Variants in DLL1 observed in about 807,000 individuals in gnomAD.
The protein encoded by DLL1 is delta like canonical Notch ligand 1.
Under a neutral mutation model 75.1 loss-of-function variants are expected in DLL1, and 9 were observed. That is an observed-to-expected ratio of 0.12 (90% CI 0.07 to 0.21). The LOEUF (loss-of-function observed/expected upper bound fraction) is 0.21. DLL1 is among the 10% of genes least tolerant of loss of function. The pLI is 1.00. For missense variants in DLL1, 837 were observed against 1,007.6 expected (o/e 0.83, Z 2.29); for synonymous variants, 477 against 418.3 (o/e 1.14, Z -1.71).
Position 170,290,320 on chromosome 6 carries a change from C to T in DLL1, c.-181G>A. The stretch of plus-strand genomic sequence containing the variant: ...GCCGGTCTCCGCCTCTTCCCAAGGC[C>T]GCGGTTCTTTATATCCGCCCTGCGA... On this transcript the variant is annotated 5_prime_UTR_variant, in exon 1 of 11. Transcript: ENST00000366756. The surrounding 1 kb of genome is among the most constrained non-coding windows in gnomAD (Gnocchi z 4.7). 1 of 578,282 alleles carries T rather than the reference C, an allele frequency of 1.7e-6. No individual in the cohort carries two copies. Among genetic ancestry groups the T allele is most frequent in the South Asian group, 3.7e-5 (1 of 26,916 alleles). 35.8% of individuals were successfully genotyped at this position (578,282 alleles called of 1,614,324 possible).
Position 170,290,167 on chromosome 6 carries a change from G to C in DLL1, c.-28C>G. On this transcript the variant is annotated 5_prime_UTR_variant, in exon 1 of 11. Coordinates refer to ENST00000366756, the MANE Select transcript of DLL1 (RefSeq NM_005618.4). The surrounding 1 kb of genome is among the most constrained non-coding windows in gnomAD (Gnocchi z 4.7). ...TGCTTCGCTCCACGCGCGAGCCTGG[G>C]GGGCCCCCACTTCTCTCCTTAGAAC... 6.3e-7 allele frequency: 1 copy of C among 1,588,068 alleles called. No homozygotes were observed.
intron 4 of DLL1, among the ~76,000 whole-genome samples, chr6:170,287,519 C>T (rs1169940109): frequency 6.6e-6 from 1 of 152,242 alleles, no homozygotes; most frequent in East Asian, 1.9e-4. Flanking sequence ...GGCCCCAACC[C>T]TGCCCTAGTC....
intron 4 of DLL1, among the ~76,000 whole-genome samples, chr6:170,287,397 G>A (rs1401532156): frequency 2.0e-5 from 3 of 152,224 alleles, no homozygotes; most frequent in Non-Finnish European, 4.4e-5. Context: ...ATCCCCAGCT[G>A]TAGAGAAATC....
Position 170,290,524 on chromosome 6 carries a change from G to A in DLL1, c.-385C>T. ...GGAGGGGGAGAAAGAGAAAGAGAGA[G>A]AGTCCAGAGATTGAGCTTAATTCCC... On this transcript the variant is annotated 5_prime_UTR_variant, in exon 1 of 11. Coordinates refer to ENST00000366756, the MANE Select transcript of DLL1 (RefSeq NM_005618.4). This position sits in a 1 kb window ranked among gnomAD's most constrained non-coding sequence, Gnocchi z 4.7. 1 of 258,768 alleles carries A rather than the reference G, an allele frequency of 3.9e-6. No homozygotes were observed. The highest frequency in any genetic ancestry group is 7.2e-6 in the Non-Finnish European group (1 of 138,826). The allele number at this position is 258,768 out of a possible 1,614,324, so 16.0% of individuals were successfully genotyped here.
In DLL1 at chr6:170,282,709, G is replaced by C; in HGVS notation, c.*165C>G. 1.7e-6 allele frequency: 2 copies of C among 1,177,032 alleles called. No individual in the cohort carries two copies. The highest frequency in any genetic ancestry group is 2.5e-5 in the South Asian group (2 of 78,704). The allele number at this position is 1,177,032 out of a possible 1,614,324, so 72.9% of individuals were successfully genotyped here. A position where few individuals can be genotyped will look rare whatever the true frequency, so the allele number is the denominator to read the frequency against. Reference sequence around the variant, plus strand: ...GCGGCCGGGCCGCGACAGGCTGTCGGCAGGCGTCGAGGACCTCAGGAGGAG... The same window carrying C: ...GCGGCCGGGCCGCGACAGGCTGTCGCCAGGCGTCGAGGACCTCAGGAGGAG... On this transcript the variant is annotated 3_prime_UTR_variant, in exon 11 of 11. Coordinates refer to ENST00000366756, the MANE Select transcript of DLL1 (RefSeq NM_005618.4).
chr6:170,282,667 G>C lies in DLL1; in HGVS notation c.*207C>G. On this transcript the variant is annotated 3_prime_UTR_variant, in exon 11 of 11. Transcript: ENST00000366756. ...GTCCATAGTGCAACGGCGACGTCAC[G>C]GAAGGCAGTGCCGCAGGCGGCCGGG... is the stretch of plus-strand genomic sequence containing the variant. 1 of 721,312 alleles carries C rather than the reference G, an allele frequency of 1.4e-6. No individual in the cohort carries two copies. Among genetic ancestry groups the C allele is most frequent in the South Asian group, 1.6e-5 (1 of 61,520 alleles). The allele number at this position is 721,312 out of a possible 1,614,324, so 44.7% of individuals were successfully genotyped here.
At chr6:170,282,951 T>C (rs376605275) in intron 10 of DLL1, 37 bp downstream of exon 10, 5 of 1,613,982 alleles carry the variant, frequency 3.1e-6, no homozygotes, top group Admixed American at 1.7e-5. Flanking sequence ...GGTGCTCCCA[T>C]GCCGAGGAGG....
intron 4 of DLL1, 46 bp from the exon 5 acceptor site, chr6:170,286,344 C>A: frequency 6.2e-7 from 1 of 1,611,934 alleles, no homozygotes; most frequent in Non-Finnish European, 8.5e-7. Flanking sequence ...CCAAGTACGT[C>A]CCAACAGGGC....
In DLL1 at chr6:170,283,519, G is replaced by A. The variant is rs199850507; in HGVS notation, c.1760C>T (p.Thr587Met). 1.0e-4 allele frequency: 164 copies of A among 1,613,620 alleles called. 1 individual carries two copies. In the Middle Eastern group the frequency reaches 2.6e-3, roughly 26 times the overall value. ...GTTGGCCAGGTTGTTCATGGTCTCC[G>A]TCTCCCCCCGGCAGGGGTCGGCTGG... ...RPPADPCRGE[T>M]ETMNNLANCQ... The change falls in exon 9 of 11, where the codon ACG becomes ATG. Residue 587 changes from threonine to methionine, a missense_variant. Thr to Met is a moderately conservative substitution (Grantham distance 81). This residue lies in a region of DLL1 where 533 missense variants were observed against 545.7 expected (regional missense o/e 0.98). Coordinates refer to ENST00000366756, the MANE Select transcript of DLL1 (RefSeq NM_005618.4).
Position 170,288,448 on chromosome 6 carries a change from G to C in DLL1, c.461C>G (p.Thr154Arg). Residue 154 changes from threonine to arginine, a missense_variant, in exon 4 of 11, where the codon ACG (threonine) becomes AGG (arginine). Thr to Arg is a moderately conservative substitution (Grantham distance 71). Coordinates refer to ENST00000366756, the MANE Select transcript of DLL1 (RefSeq NM_005618.4). Reference protein sequence around the residue: ...ISRLATQRHLTVGEEWSQDLH... With the variant: ...ISRLATQRHLRVGEEWSQDLH... ...GTCCTGGGACCACTCCTCGCCCACC[G>C]TCAGGTGCCTCTGGGTGGCCAGGCG... 1 of 1,614,102 alleles carries C rather than the reference G, an allele frequency of 6.2e-7. No individual in the cohort carries two copies. The highest frequency in any genetic ancestry group is 8.5e-7 in the Non-Finnish European group (1 of 1,180,034).
At chr6:170,285,185 C>T (rs1229498805) in intron 7 of DLL1, 50 bp from the exon 8 acceptor site, 3 of 1,613,534 alleles carry the variant, frequency 1.9e-6, no homozygotes, top group African/African-American at 2.7e-5. Context: ...CTCCAAGGAG[C>T]CCACACACTC....
At chr6:170,286,591 C>G (rs1485869696) in intron 4 of DLL1, among the ~76,000 whole-genome samples, 1 of 151,944 alleles carries the variant, frequency 6.6e-6, no homozygotes, top group Non-Finnish European at 1.5e-5. Flanking sequence ...CTTCCCCCTC[C>G]TCCTCCCCCA....
Position 170,283,798 on chromosome 6 carries a change from G to T in DLL1, c.1481C>A (p.Ala494Asp). The T allele has an allele frequency of 6.3e-7, 1 of 1,596,990 alleles. No individual in the cohort carries two copies. Among genetic ancestry groups the T allele is most frequent in the Non-Finnish European group, 8.5e-7 (1 of 1,174,390 alleles). The change falls in exon 9 of 11, where the codon GCC (alanine) becomes GAC (aspartate). Residue 494 changes from alanine (A) to aspartate (D), a missense_variant. Around this residue, in one of 2 missense-constraint regions of DLL1, gnomAD observed 533 missense variants for 545.7 expected, o/e 0.98. Coordinates refer to ENST00000366756, the MANE Select transcript of DLL1 (RefSeq NM_005618.4). ...RCEHAPCHNG[A>D]TCHERGHRYV... is the part of the protein sequence containing the mutation. The stretch of plus-strand genomic sequence containing the variant: ...GCGGTGGCCCCTCTCGTGGCAGGTG[G>T]CCCCATTGTGGCAGGGTGCGTGCTC...
chr6:170,283,591 G>A lies in DLL1; in HGVS notation c.1688C>T (p.Ala563Val), dbSNP rs775123046. ...ILVLMLLLGCAAVVVCVRLRL... is the reference protein window; with the variant it reads ...ILVLMLLLGCVAVVVCVRLRL... ...CAGCCGGACGCAGACCACCACAGCG[G>A]CACAGCCCAGCAGCAGCATGAGGAC... The change falls in exon 9 of 11, where the codon GCC becomes GTC. Residue 563 changes from alanine to valine, a missense_variant. Transcript: ENST00000366756. 9.9e-6 allele frequency: 16 copies of A among 1,612,500 alleles called. 1 individual carries two copies. In the South Asian group the frequency reaches 1.6e-4, roughly 17 times the overall value.
rs1285704686 is a variant in DLL1 at position 170,285,097 on chromosome 6, G to A, written c.1071C>T (p.Gly357=). Residue 357 remains glycine (G), a synonymous_variant, in exon 8 of 11, where the codon GGC becomes GGT. Transcript: ENST00000366756. The stretch of plus-strand genomic sequence containing the variant: ...TCAATTCACAGATTTTGCCGTAGAA[G>A]CCGGGTGGGCAGGTACAGGAGTAGC... ...ENSYSCTCPP[G]FYGKICELSA... 1 of 1,614,146 alleles carries A rather than the reference G, an allele frequency of 6.2e-7. No individual in the cohort carries two copies. The highest frequency in any genetic ancestry group is 8.5e-7 in the Non-Finnish European group (1 of 1,180,028).
Position 170,289,545 on chromosome 6 carries a change from G to T in DLL1, c.318C>A (p.Asn106Lys), listed in dbSNP as rs974004187. The T allele has an allele frequency of 6.5e-7, 1 of 1,535,106 alleles. No homozygotes were observed. Among genetic ancestry groups the T allele is most frequent in the Non-Finnish European group, 8.7e-7 (1 of 1,146,440 alleles). ...TGAAGCCGAAGGGGAAGCGGATGGG[G>T]TTGCTGAACGCGGAGTCGGCGCCCC... Reference protein sequence around the residue: ...DGGGADSAFSNPIRFPFGFTW... With the variant: ...DGGGADSAFSKPIRFPFGFTW... Residue 106 changes from asparagine (N) to lysine (K), a missense_variant, in exon 2 of 11, where the codon AAC (asparagine) becomes AAA (lysine). Asn to Lys is a moderately conservative substitution (Grantham distance 94). This residue lies in a region of DLL1 where 304 missense variants were observed against 461.9 expected (regional missense o/e 0.66). Transcript: ENST00000366756.
chr6:170,289,397 G>A, intron 2 of DLL1, 115 bp downstream of exon 2: 1 of 1,448,538 alleles, frequency 6.9e-7, no homozygotes, highest in Non-Finnish European at 9.2e-7. Flanking sequence ...GCGCCCACCT[G>A]CGCCTCGCGG....
intron 4 of DLL1, 133 bp downstream of exon 4, chr6:170,288,106 G>T: frequency 7.3e-7 from 1 of 1,374,120 alleles, no homozygotes; most frequent in Non-Finnish European, 1.0e-6. Flanking sequence ...ATCCACTTCT[G>T]TCCTCTGGGC....
Position 170,288,316 on chromosome 6 carries a change from G to A in DLL1, c.593C>T (p.Ala198Val). 1 of 1,614,078 alleles carries A rather than the reference G, an allele frequency of 6.2e-7. No homozygotes were observed. The highest frequency in any genetic ancestry group is 1.1e-5 in the South Asian group (1 of 91,092). ...CSVFCRPRDD[A>V]FGHFTCGERG... ...CTCCCCACAGGTGAAGTGGCCGAAG[G>A]CATCGTCCCGGGGACGGCAGAAAAC... The change falls in exon 4 of 11, where the codon GCC becomes GTC. Residue 198 changes from alanine (A) to valine (V), a missense_variant. By Grantham distance (64) the Ala-to-Val change is moderately conservative. Coordinates refer to ENST00000366756, the MANE Select transcript of DLL1 (RefSeq NM_005618.4).
Sources: allele counts gnomAD v4.1 joint callset (sites outside exome capture counted in the v4.1 genomes callset), GRCh38; gene constraint gnomAD v4.1.1; regional missense constraint gnomAD v4.1.1; non-coding constraint Gnocchi (gnomAD v3.1); transcripts MANE v1.5; gene names NCBI Gene and HGNC (gene_info 2026-07-23, HGNC 2026-07-21).